The following FILIP1L variants were observed in gnomAD, a reference collection of about 807,000 sequenced individuals.
FILIP1L encodes filamin A-interacting protein 1-like.
FILIP1L carries 55 observed loss-of-function variants against 96.6 expected under a neutral mutation model. That is an observed-to-expected ratio of 0.57 (90% CI 0.46 to 0.71). The LOEUF is 0.71. Ranked by LOEUF, FILIP1L falls within the 30% of genes least tolerant of loss-of-function variation. FILIP1L has a pLI of 0.00. For synonymous variants in FILIP1L, 467 were observed against 473.9 expected (o/e 0.99, Z 0.19); for missense variants, 1,304 against 1,321.2 (o/e 0.99, Z 0.20).
At chr3:99,960,488 C>T (rs1023525160) in intron 1 of FILIP1L, among the ~76,000 whole-genome samples, 5 of 152,302 alleles carry the variant, frequency 3.3e-5, no homozygotes, top group Admixed American at 2.6e-4. Flanking sequence ...GTAGAAGCAA[C>T]ATTCTGATTA....
At position 99,880,140 on chromosome 3, in the gene FILIP1L, A is replaced by G. The variant is rs561456171; in HGVS notation, c.606-29070T>C. On this transcript the variant is annotated intron_variant, in intron 4 of 5. Transcript: ENST00000477258. The stretch of plus-strand genomic sequence containing the variant: ...CTGAAGGGACCTGTAGGCAACTGTG[A>G]ATGTGGAGCCAAAGGGGATGTCTGT... 2.0e-5 allele frequency among the ~76,000 whole-genome samples: 3 copies of G among 152,234 alleles called. No individual in the cohort carries two copies. In the South Asian group the frequency reaches 6.2e-4, roughly 32 times the overall value.
intron 1 of FILIP1L, among the ~76,000 whole-genome samples, chr3:100,012,543 T>C (rs968511937): frequency 2.6e-5 from 4 of 152,130 alleles, no homozygotes; most frequent in Admixed American, 1.3e-4. Flanking sequence ...AATAAGAATT[T>C]TCTCTAACAT....
chr3:99,902,394 A>G (rs1706465524), intron 4 of FILIP1L, among the ~76,000 whole-genome samples: 2 of 152,208 alleles, frequency 1.3e-5, no homozygotes, highest in African/African-American at 4.8e-5. Context: ...CATGTTTTAC[A>G]AGAAGCAGTT....
chr3:100,075,984 A>G (rs1344876414), intron 1 of FILIP1L, among the ~76,000 whole-genome samples: 1 of 152,188 alleles, frequency 6.6e-6, no homozygotes, highest in East Asian at 1.9e-4. Flanking sequence ...CTCACTTTGA[A>G]GACACAAAAC....
intron 4 of FILIP1L, among the ~76,000 whole-genome samples, chr3:99,885,768 A>C (rs1332402961): frequency 6.6e-6 from 1 of 152,206 alleles, no homozygotes; most frequent in African/African-American, 2.4e-5. Context: ...CAAAAGACAC[A>C]CACACAAACA....
At chr3:99,855,117 ATTG>A (rs1943895586) in intron 4 of FILIP1L, among the ~76,000 whole-genome samples, 1 of 152,108 alleles carries the variant, frequency 6.6e-6, no homozygotes, top group African/African-American at 2.4e-5. Context: ...AACTCTGCCA[ATTG>A]TTGTTCATTA....
At chr3:99,961,511 C>T (rs1323283381) in intron 1 of FILIP1L, among the ~76,000 whole-genome samples, 1 of 152,078 alleles carries the variant, frequency 6.6e-6, no homozygotes, top group Non-Finnish European at 1.5e-5. Context: ...GTTCATTTTG[C>T]CAGCCCATGT....
intron 4 of FILIP1L, among the ~76,000 whole-genome samples, chr3:99,896,703 A>G (rs1706266248): frequency 1.3e-5 from 2 of 152,202 alleles, no homozygotes; most frequent in South Asian, 4.1e-4. Flanking sequence ...GTGTTGATTC[A>G]TTTGTTGCCA....
intron 4 of FILIP1L, among the ~76,000 whole-genome samples, chr3:99,908,720 A>G (rs1277579282): frequency 2.0e-5 from 3 of 152,240 alleles, no homozygotes; most frequent in African/African-American, 7.2e-5. Flanking sequence ...GAGATAATCT[A>G]CTGTGCTTAG....
At position 99,829,732 on chromosome 3, in the gene FILIP1L, A is replaced by T. The variant is rs1942612767; in HGVS notation, c.*682T>A. Among the ~76,000 whole-genome samples, 1 of 152,224 alleles carries T rather than the reference A, an allele frequency of 6.6e-6. No individual in the cohort carries two copies. The highest frequency in any genetic ancestry group is 1.5e-5 in the Non-Finnish European group (1 of 68,044). On this transcript the variant is annotated 3_prime_UTR_variant, in exon 6 of 6. Transcript: ENST00000477258. ...ATTCTGTATTTTTTCAAGCACCTGG[A>T]ATATTGATTCATGTCTCCCTAAAAT...
intron 1 of FILIP1L, among the ~76,000 whole-genome samples, chr3:100,008,544 T>C (rs1710053810): frequency 6.6e-6 from 1 of 152,214 alleles, no homozygotes; most frequent in Admixed American, 6.5e-5. Context: ...GGAAATCTAC[T>C]CTAGCTGCAA....
chr3:99,868,917 G>A (rs1944647776), intron 4 of FILIP1L, among the ~76,000 whole-genome samples: 1 of 151,976 alleles, frequency 6.6e-6, no homozygotes, highest in Admixed American at 6.6e-5. Flanking sequence ...ATTTGTTTTA[G>A]TATATTACTT....
In FILIP1L at chr3:99,991,719, C is replaced by T. The variant is rs148328730; in HGVS notation, c.-10-60689G>A. Among the ~76,000 whole-genome samples, 400 of 151,716 alleles carry T rather than the reference C, an allele frequency of 2.6e-3. 6 individuals are homozygous for T. Among genetic ancestry groups the T allele is most frequent in the African/African-American group, 8.7e-3 (359 of 41,356 alleles). ...AACATGCTGTATTTGACTGTTGCTG[C>T]GTTATTTCAGTGAGGATAATGGCCT... On this transcript the variant is annotated intron_variant, in intron 1 of 5. Transcript: ENST00000477258.
intron 5 of FILIP1L, among the ~76,000 whole-genome samples, chr3:99,843,797 G>A (rs1943239500): frequency 1.3e-5 from 2 of 152,120 alleles, no homozygotes; most frequent in South Asian, 4.1e-4. Context: ...GCAAGCAGAA[G>A]GTGAGTGGCA....
chr3:99,900,296 A>G (rs1202319713), intron 4 of FILIP1L, among the ~76,000 whole-genome samples: 1 of 152,186 alleles, frequency 6.6e-6, no homozygotes, highest in African/African-American at 2.4e-5. Context: ...GATGGTGATG[A>G]TGAGGATATT....
intron 4 of FILIP1L, among the ~76,000 whole-genome samples, chr3:99,857,494 A>G (rs1037611777): frequency 1.3e-5 from 2 of 152,258 alleles, no homozygotes; most frequent in Non-Finnish European, 2.9e-5. Flanking sequence ...TGTTTTCCTC[A>G]GAGTCCAGAG....
chr3:100,093,794 A>G (rs1384360630), intron 1 of FILIP1L, among the ~76,000 whole-genome samples: 1 of 152,236 alleles, frequency 6.6e-6, no homozygotes, highest in Non-Finnish European at 1.5e-5. Flanking sequence ...AAATAGAATC[A>G]TACAACATGT....
chr3:99,957,114 G>A (rs2107696478), intron 1 of FILIP1L, among the ~76,000 whole-genome samples: 1 of 152,194 alleles, frequency 6.6e-6, no homozygotes, highest in Non-Finnish European at 1.5e-5. Flanking sequence ...GTTTATGTTT[G>A]TACATTTATT....
In FILIP1L at chr3:100,010,258, A is replaced by G. The variant is rs141391047; in HGVS notation, c.-10-79228T>C. 1.9e-3 allele frequency: 676 copies of G among 355,612 alleles called. 3 individuals carry two copies. The highest frequency in any genetic ancestry group is 2.4e-3 in the Non-Finnish European group (603 of 254,346). 22.0% of individuals were successfully genotyped at this position (355,612 alleles called of 1,614,324 possible). ...CTCAGTATGTTTTTCCCCCCACAAC[A>G]TTGTCCTTAGTAGTATACTGTGTTC... On this transcript the variant is annotated intron_variant, in intron 1 of 5. Coordinates refer to ENST00000477258, the MANE Select transcript of FILIP1L (RefSeq NM_001387850.1).
Sources: allele counts gnomAD v4.1 joint callset (sites outside exome capture counted in the v4.1 genomes callset), GRCh38; gene constraint gnomAD v4.1.1; transcripts MANE v1.5; gene names NCBI Gene and HGNC (gene_info 2026-07-23, HGNC 2026-07-21).